Variants in PICALM observed in about 807,000 individuals in gnomAD.
The protein encoded by PICALM is phosphatidylinositol-binding clathrin assembly protein.
PICALM carries 40 observed loss-of-function variants against 80.5 expected under a neutral mutation model. The observed-to-expected ratio is 0.50, with a 90% CI of 0.39 to 0.65. The LOEUF (loss-of-function observed/expected upper bound fraction) is 0.65, where lower values mean the gene tolerates loss of function less well. PICALM is among the 30% of genes least tolerant of loss of function. The probability of loss-of-function intolerance (pLI) is 0.00; values close to 1 mark genes in which losing one functional copy is unlikely to be tolerated. For synonymous variants in PICALM, 288 were observed against 260.3 expected, an observed-to-expected ratio of 1.11 and a Z score of -1.02; for missense variants, 676 against 778.9, an observed-to-expected ratio of 0.87 and a Z score of 1.57.
intron 1 of PICALM, among the ~76,000 whole-genome samples, chr11:86,057,348 G>T (rs1241533309): frequency 1.3e-5 from 2 of 152,168 alleles, no homozygotes; most frequent in Non-Finnish European, 2.9e-5. Context: ...AGACCAGCCT[G>T]ACCAACATGG....
At chr11:86,022,267 T>A (rs1417571246) in intron 4 of PICALM, 100 bp downstream of exon 4, 2 of 684,460 alleles carry the variant, frequency 2.9e-6, no homozygotes, top group Non-Finnish European at 4.9e-6. Flanking sequence ...GCTCATCTTT[T>A]AAAACTGGCT....
chr11:86,031,051 G>C lies in PICALM; in HGVS notation c.273+418C>G, dbSNP rs189919932. Among the ~76,000 whole-genome samples the C allele has an allele frequency of 1.2e-4, 19 of 152,288 alleles. No homozygotes were observed. The East Asian group carries it at 3.5e-3, about 28-fold the overall frequency. On this transcript the variant is annotated intron_variant, in intron 2 of 19. Coordinates refer to ENST00000393346, the MANE Select transcript of PICALM (RefSeq NM_007166.4). ...GAAGGTCCCTTGAGCCCAGGAATTT[G>C]AGGTAGCAGTGAGCTATGATGGTAC...
chr11:85,986,365 ATTTTTTTTTTTTTTTTTTTT>A (rs775072780), intron 13 of PICALM, among the ~76,000 whole-genome samples: 55 of 73,748 alleles, frequency 7.5e-4, no homozygotes, highest in African/African-American at 2.2e-3. Flanking sequence ...CCAACTTTTA[ATTTTTTTTTTTTTTTTTTTT>A]TTTTTTTTTT....
chr11:85,995,485 G>A (rs2094929770), intron 12 of PICALM, among the ~76,000 whole-genome samples: 1 of 152,154 alleles, frequency 6.6e-6, no homozygotes. Flanking sequence ...ACAAGTTCAA[G>A]TAGAAACTTC....
chr11:86,044,230 G>A (rs1593283922), intron 1 of PICALM, among the ~76,000 whole-genome samples: 1 of 152,200 alleles, frequency 6.6e-6, no homozygotes, highest in South Asian at 2.1e-4. Context: ...TTTGAGGGAG[G>A]TTGCTAGGAA....
At chr11:86,025,922 A>C (rs909199133) in intron 3 of PICALM, among the ~76,000 whole-genome samples, 3 of 152,172 alleles carry the variant, frequency 2.0e-5, no homozygotes, top group Admixed American at 1.3e-4. Flanking sequence ...AACTAGGTTA[A>C]GTCTCATGAC....
At position 86,022,442 on chromosome 11, in the gene PICALM, C is replaced by A; in HGVS notation, c.377G>T (p.Arg126Leu). The A allele has an allele frequency of 6.4e-7, 1 of 1,571,156 alleles. No homozygotes were observed. The highest frequency in any genetic ancestry group is 1.2e-5 in the South Asian group (1 of 86,932). ...TTTCTCATTTAAATATCTACTATACCGCCTAATAAATGTAGACATGTCATA... is the reference window on the plus strand; with the variant it reads ...TTTCTCATTTAAATATCTACTATACAGCCTAATAAATGTAGACATGTCATA... ...QGYDMSTFIR[R>L]YSRYLNEKAV... Residue 126 changes from arginine to leucine, a missense_variant, in exon 4 of 20, where the codon CGG (arginine) becomes CTG (leucine). Physicochemically the swap from Arg to Leu is moderately radical, Grantham distance 102. Around this residue, in one of 2 missense-constraint regions of PICALM, gnomAD observed 285 missense variants for 395.4 expected, o/e 0.72. Transcript: ENST00000393346.
intron 1 of PICALM, among the ~76,000 whole-genome samples, chr11:86,059,018 C>T (rs1476054969): frequency 5.3e-5 from 8 of 152,136 alleles, no homozygotes; most frequent in African/African-American, 1.9e-4. Flanking sequence ...TGTATCTAAA[C>T]AAAACTAAAT....
At chr11:86,053,237 A>C (rs1318057411) in intron 1 of PICALM, among the ~76,000 whole-genome samples, 2 of 152,234 alleles carry the variant, frequency 1.3e-5, no homozygotes. Flanking sequence ...TAAAACTGCA[A>C]CCTAACTCGA....
chr11:86,043,185 A>G (rs1370421338), intron 1 of PICALM, among the ~76,000 whole-genome samples: 1 of 152,230 alleles, frequency 6.6e-6, no homozygotes, highest in Admixed American at 6.5e-5. Context: ...CACTACCAGT[A>G]GCAGCTATTC....
At chr11:86,061,490 T>G (rs922499327) in intron 1 of PICALM, among the ~76,000 whole-genome samples, 1 of 151,756 alleles carries the variant, frequency 6.6e-6, no homozygotes, top group East Asian at 1.9e-4. Flanking sequence ...AAAGAAGATA[T>G]AAAGATGGCG....
At position 86,068,931 on chromosome 11, in the gene PICALM, C is replaced by G. The variant is rs1011722631; in HGVS notation, c.-151G>C. 36 of 1,031,992 alleles carry G rather than the reference C, an allele frequency of 3.5e-5. No individual in the cohort carries two copies. The highest frequency in any genetic ancestry group is 4.8e-5 in the Non-Finnish European group (35 of 733,282). 63.9% of individuals were successfully genotyped at this position (1,031,992 alleles called of 1,614,324 possible). On this transcript the variant is annotated 5_prime_UTR_variant, in exon 1 of 20. Coordinates refer to ENST00000393346, the MANE Select transcript of PICALM (RefSeq NM_007166.4). ...CTGGGGCGCGGTTCGGGGCCGCGCG[C>G]TGCCACCAGTCCAGAGAGAACCGGC...
Position 86,026,320 on chromosome 11 carries a change from G to C in PICALM, c.321C>G (p.Ser107Arg). 6.2e-7 allele frequency: 1 copy of C among 1,600,996 alleles called. No homozygotes were observed. Among genetic ancestry groups the C allele is most frequent in the Non-Finnish European group, 8.5e-7 (1 of 1,170,514 alleles). ...LASRNTLFNL[S>R]NFLDKSGLQG... Reference sequence around the variant, plus strand: ...GCAATCCACTTTTATCCAAAAAATTGCTTAAGTTAAACAACGTGTTTCTTG... The same window carrying C: ...GCAATCCACTTTTATCCAAAAAATTCCTTAAGTTAAACAACGTGTTTCTTG... The change falls in exon 3 of 20, where the codon AGC becomes AGG. Residue 107 changes from serine (S) to arginine (R), a missense_variant. Physicochemically the swap from Ser to Arg is moderately radical, Grantham distance 110 (BLOSUM62 -1). Around this residue, in one of 2 missense-constraint regions of PICALM, gnomAD observed 285 missense variants for 395.4 expected, o/e 0.72. Transcript: ENST00000393346.
At position 86,007,544 on chromosome 11, in the gene PICALM, G is replaced by T; in HGVS notation, c.805C>A (p.Gln269Lys). The T allele has an allele frequency of 6.6e-7, 1 of 1,507,518 alleles. No homozygotes were observed. Among genetic ancestry groups the T allele is most frequent in the Non-Finnish European group, 9.2e-7 (1 of 1,088,940 alleles). 93.4% of individuals were successfully genotyped at this position (1,507,518 alleles called of 1,614,324 possible). A position where few individuals can be genotyped will look rare whatever the true frequency, so the allele number is the denominator to read the frequency against. ...IDRGDIPDLS[Q>K]APSSLLDALE... ...TGGTATTTTAACAATAAACTTACCT[G>T]TGAAAGGTCTGGTATATCACCTCTG... Residue 269 changes from glutamine to lysine, a missense_variant and splice_region_variant, in exon 8 of 20, where the codon CAG becomes AAG. Gln to Lys is a moderately conservative substitution (Grantham distance 53). This residue lies in a region of PICALM where 285 missense variants were observed against 395.4 expected (regional missense o/e 0.72). Coordinates refer to ENST00000393346, the MANE Select transcript of PICALM (RefSeq NM_007166.4).
At chr11:86,028,276 G>T (rs544483779) in intron 2 of PICALM, among the ~76,000 whole-genome samples, 5 of 152,132 alleles carry the variant, frequency 3.3e-5, no homozygotes, top group Admixed American at 6.5e-5. Context: ...GGTCATAAGC[G>T]GTAACCTGAA....
At chr11:86,045,519 CAAAAAAA>C (rs71040207) in intron 1 of PICALM, among the ~76,000 whole-genome samples, 15 of 47,800 alleles carry the variant, frequency 3.1e-4, no homozygotes, top group African/African-American at 5.7e-4. Flanking sequence ...TCTTGAAATT[CAAAAAAA>C]AAAAAAAAAA....
chr11:86,053,531 A>G (rs1438125698), intron 1 of PICALM, among the ~76,000 whole-genome samples: 2 of 152,248 alleles, frequency 1.3e-5, no homozygotes, highest in Non-Finnish European at 2.9e-5. Context: ...AACAAGACTC[A>G]ATATGTAATG....
At position 85,974,046 on chromosome 11, in the gene PICALM, TA is replaced by T. The variant is rs138658992; in HGVS notation, c.1944+661del. 5.6e-3 allele frequency among the ~76,000 whole-genome samples: 817 copies of T among 145,278 alleles called. 4 individuals are homozygous for T. Among genetic ancestry groups the T allele is most frequent in the Non-Finnish European group, 8.0e-3 (528 of 65,862 alleles). On this transcript the variant is annotated intron_variant, in intron 19 of 19. Coordinates refer to ENST00000393346, the MANE Select transcript of PICALM (RefSeq NM_007166.4). Reference sequence around the variant, plus strand: ...CTTCTAACCGTAACGGGTAAAACATTAAAAAAAAAAAATTCTTCTAATGCAA... The same window carrying T: ...CTTCTAACCGTAACGGGTAAAACATTAAAAAAAAAAATTCTTCTAATGCAA...
intron 1 of PICALM, among the ~76,000 whole-genome samples, chr11:86,052,964 T>G (rs1321525699): frequency 3.9e-5 from 6 of 152,234 alleles, no homozygotes; most frequent in Non-Finnish European, 7.3e-5. Context: ...AAATGCCTAG[T>G]GTTCCTAATA....
Sources: allele counts gnomAD v4.1 joint callset (sites outside exome capture counted in the v4.1 genomes callset), GRCh38; gene constraint gnomAD v4.1.1; regional missense constraint gnomAD v4.1.1; transcripts MANE v1.5; gene names NCBI Gene and HGNC (gene_info 2026-07-23, HGNC 2026-07-21).